TTC34: variants seen among roughly 807,000 people sequenced by gnomAD.
TTC34 encodes the protein tetratricopeptide repeat domain 34.
TTC34 carries 44 observed loss-of-function variants against 40.7 expected under a neutral mutation model. The observed-to-expected ratio is 1.08, with a 90% confidence interval of 0.85 to 1.39. The LOEUF is 1.39. Among genes scored for constraint, TTC34 ranks in the 40% most tolerant of loss-of-function variants. The pLI is 0.00. For synonymous variants in TTC34, 422 were observed against 398.6 expected (o/e 1.06, Z -0.70); for missense variants, 884 against 838.0 (o/e 1.05, Z -0.68).
chr1:2,748,245 G>C, intron 6 of TTC34, among the ~76,000 whole-genome samples: 1 of 86,954 alleles, frequency 1.2e-5, no homozygotes, highest in Non-Finnish European at 2.1e-5. Flanking sequence ...CACAACCACA[G>C]GTGAGCATCT....
intron 6 of TTC34, among the ~76,000 whole-genome samples, chr1:2,769,621 G>C (rs1177248188): frequency 1.6e-5 from 2 of 126,858 alleles, no homozygotes; most frequent in African/African-American, 6.4e-5. Flanking sequence ...GCCTGGAACA[G>C]CACCCACACC....
At chr1:2,799,175 C>A (rs1265936071) in intron 2 of TTC34, among the ~76,000 whole-genome samples, 2 of 152,198 alleles carry the variant, frequency 1.3e-5, no homozygotes, top group Non-Finnish European at 2.9e-5. Context: ...GCCTCCCAGC[C>A]TCCCAGCAGG....
At chr1:2,675,110 AGT>A (rs1639852793) in intron 6 of TTC34, among the ~76,000 whole-genome samples, 1 of 1,884 alleles carries the variant, frequency 5.3e-4, no homozygotes, top group Non-Finnish European at 1.6e-3. Context: ...AGCCTGGAGC[AGT>A]GCCCACACCC....
chr1:2,798,781 GCCCC>G, intron 2 of TTC34, among the ~76,000 whole-genome samples: 2 of 110,856 alleles, frequency 1.8e-5, no homozygotes, highest in Admixed American at 9.4e-5. Context: ...AAGCCTCCCA[GCCCC>G]CCAGCCTCCC....
chr1:2,765,769 T>G (rs1365132496), intron 6 of TTC34, among the ~76,000 whole-genome samples: 1 of 35,754 alleles, frequency 2.8e-5, no homozygotes, highest in Non-Finnish European at 4.3e-5. Flanking sequence ...CAGGTGAGCA[T>G]GTGACAGCCT....
At chr1:2,651,463 G>A (rs1639131513) in intron 6 of TTC34, among the ~76,000 whole-genome samples, 1 of 150,064 alleles carries the variant, frequency 6.7e-6, no homozygotes, top group Non-Finnish European at 1.5e-5. Flanking sequence ...GACAGCCAAG[G>A]ACGCCACCCC....
At chr1:2,791,491 T>C (rs1248292080) in intron 2 of TTC34, among the ~76,000 whole-genome samples, 1 of 152,096 alleles carries the variant, frequency 6.6e-6, no homozygotes, top group African/African-American at 2.4e-5. Flanking sequence ...GAGGGCAAAA[T>C]ACCACGCAGG....
intron 6 of TTC34, among the ~76,000 whole-genome samples, chr1:2,768,381 A>G (rs1334765083): frequency 2.0e-5 from 3 of 151,936 alleles, no homozygotes; most frequent in Admixed American, 2.0e-4. Flanking sequence ...GCCCACCACA[A>G]GGTGAGCATA....
chr1:2,683,494 C>G (rs1259627798), intron 6 of TTC34, among the ~76,000 whole-genome samples: 2 of 149,174 alleles, frequency 1.3e-5, no homozygotes, highest in Middle Eastern at 3.5e-3. Context: ...CATCTGACAG[C>G]CTGGAACGGC....
intron 6 of TTC34, among the ~76,000 whole-genome samples, chr1:2,653,020 T>A (rs1354640991): frequency 3.6e-4 from 54 of 151,676 alleles, no homozygotes; most frequent in African/African-American, 1.2e-3. Flanking sequence ...AAGGTGAGCA[T>A]CTGACAACCT....
intron 6 of TTC34, among the ~76,000 whole-genome samples, chr1:2,683,351 C>T (rs1400714681): frequency 2.4e-3 from 302 of 123,606 alleles, no homozygotes; most frequent in African/African-American, 8.4e-3. Flanking sequence ...CCACCCTGCA[C>T]CCCCAGGTGA....
intron 6 of TTC34, among the ~76,000 whole-genome samples, chr1:2,755,771 ACGGCACCCACACCCC>A (rs1641483952): frequency 1.9e-5 from 1 of 52,522 alleles, no homozygotes; most frequent in African/African-American, 9.2e-5. Flanking sequence ...ACAGCCTGGA[ACGGCACCCACACCCC>A]CAGGTGAGCA....
At chr1:2,781,732 G>A (rs1643487059) in intron 6 of TTC34, among the ~76,000 whole-genome samples, 1 of 152,104 alleles carries the variant, frequency 6.6e-6, no homozygotes, top group African/African-American at 2.4e-5. Flanking sequence ...TCATAAAAGG[G>A]TGCTGAATTT....
Position 2,645,489 on chromosome 1 carries a change from C to A in TTC34, c.2301G>T (p.Lys767Asn). The change falls in exon 7 of 9, where the codon AAG becomes AAT. Residue 767 changes from lysine (K) to asparagine (N), a missense_variant. By Grantham distance (94) the Lys-to-Asn change is moderately conservative. Transcript: ENST00000401095. This position sits in a 1 kb window ranked among gnomAD's most constrained non-coding sequence, Gnocchi z 4.7. ...GTGTGATGAGGGCCTGGGCTTCCGG[C>A]TTCAGAGAGCGGAGCTCAGGGACCA... 1 of 1,516,652 alleles carries A rather than the reference C, an allele frequency of 6.6e-7. No individual in the cohort carries two copies. The highest frequency in any genetic ancestry group is 8.8e-7 in the Non-Finnish European group (1 of 1,138,358). The allele number at this position is 1,516,652 out of a possible 1,614,324, so 93.9% of individuals were successfully genotyped here. A position where few individuals can be genotyped will look rare whatever the true frequency, so the allele number is the denominator to read the frequency against.
chr1:2,777,476 C>T (rs999956100), intron 6 of TTC34, among the ~76,000 whole-genome samples: 3 of 151,732 alleles, frequency 2.0e-5, no homozygotes, highest in Admixed American at 2.0e-4. Context: ...GTCTGAATTC[C>T]TGGAATATGT....
At chr1:2,650,480 C>T (rs1490681933) in intron 6 of TTC34, among the ~76,000 whole-genome samples, 1 of 151,026 alleles carries the variant, frequency 6.6e-6, no homozygotes, top group Admixed American at 6.6e-5. Context: ...GAGCTTGTGA[C>T]AATCTGGAAC....
chr1:2,645,164 G>T lies in TTC34; in HGVS notation c.2497+129C>A. 1.7e-6 allele frequency: 2 copies of T among 1,172,308 alleles called. No homozygotes were observed. Among genetic ancestry groups the T allele is most frequent in the Non-Finnish European group, 2.2e-6 (2 of 894,304 alleles). 72.6% of individuals were successfully genotyped at this position (1,172,308 alleles called of 1,614,324 possible). On this transcript the variant is annotated intron_variant, in intron 7 of 8. Transcript: ENST00000401095. This position sits in a 1 kb window ranked among gnomAD's most constrained non-coding sequence, Gnocchi z 4.7. ...GGCCAGAGGTCATGGGATTTGGGGTGGAAGGGACCTTGGAAGCTGTTGTGG... is the reference window on the plus strand; with the variant it reads ...GGCCAGAGGTCATGGGATTTGGGGTTGAAGGGACCTTGGAAGCTGTTGTGG...
At chr1:2,765,757 C>G (rs1641770520) in intron 6 of TTC34, among the ~76,000 whole-genome samples, 1 of 47,092 alleles carries the variant, frequency 2.1e-5, no homozygotes, top group Non-Finnish European at 3.4e-5. Context: ...CGCCCACACC[C>G]CCAGGTGAGC....
At chr1:2,784,382 A>C (rs1381887767) in intron 5 of TTC34, among the ~76,000 whole-genome samples, 1 of 152,352 alleles carries the variant, frequency 6.6e-6, no homozygotes, top group East Asian at 1.9e-4. Flanking sequence ...ATGAAAGTGG[A>C]CAAGGAACGT....
Sources: allele counts gnomAD v4.1 joint callset (sites outside exome capture counted in the v4.1 genomes callset), GRCh38; gene constraint gnomAD v4.1.1; non-coding constraint Gnocchi (gnomAD v3.1); transcripts MANE v1.5; gene names NCBI Gene and HGNC (gene_info 2026-07-23, HGNC 2026-07-21).